The following UBR2 variants were observed in gnomAD, a reference collection of about 807,000 sequenced individuals.
UBR2 encodes the protein ubiquitin protein ligase E3 component n-recognin 2.
Under a neutral mutation model 247.9 loss-of-function variants are expected in UBR2, and 92 were observed. The observed-to-expected ratio is 0.37, with a 90% CI of 0.31 to 0.44. The LOEUF (loss-of-function observed/expected upper bound fraction) is 0.44, where lower values mean the gene tolerates loss of function less well. Among genes scored for constraint, UBR2 ranks in the 20% least tolerant of loss-of-function variants. The probability of loss-of-function intolerance (pLI) is 1.00; values close to 1 mark genes in which losing one functional copy is unlikely to be tolerated. For missense variants in UBR2, 1,613 were observed against 2,112.6 expected (o/e 0.76, Z 4.64); for synonymous variants, 672 against 693.5 (o/e 0.97, Z 0.49).
intron 11 of UBR2, among the ~76,000 whole-genome samples, chr6:42,625,914 C>T (rs868330072): frequency 1.3e-5 from 2 of 150,136 alleles, no homozygotes; most frequent in African/African-American, 4.9e-5. Context: ...CCCGGGTTCA[C>T]GCCATTCTCC....
intron 42 of UBR2, among the ~76,000 whole-genome samples, chr6:42,681,508 C>G (rs1485153663): frequency 2.6e-5 from 4 of 152,350 alleles, no homozygotes; most frequent in African/African-American, 4.8e-5. Flanking sequence ...AAAAGATGCT[C>G]AACATCACTA....
At chr6:42,592,757 A>G (rs1792749081) in intron 3 of UBR2, among the ~76,000 whole-genome samples, 1 of 152,240 alleles carries the variant, frequency 6.6e-6, no homozygotes, top group African/African-American at 2.4e-5. Flanking sequence ...CACCCTAATC[A>G]TAAAACAGAA....
chr6:42,631,891 A>ATATATATATATATATATATATAT lies in UBR2; in HGVS notation c.1282-661_1282-660insTATATATATATATATATATATAT, dbSNP rs752152787. Reference sequence around the variant, plus strand: ...ATATATATATATATATATATATATAAATACAGGTTCTGTAATTATATATAT... The same window carrying ATATATATATATATATATATATAT: ...ATATATATATATATATATATATATAATATATATATATATATATATATATATACAGGTTCTGTAATTATATATAT... On this transcript the variant is annotated intron_variant, in intron 11 of 46. Coordinates refer to ENST00000372901, the MANE Select transcript of UBR2 (RefSeq NM_001363705.2). Among the ~76,000 whole-genome samples the ATATATATATATATATATATATAT allele has an allele frequency of 4.5e-4, 51 of 114,058 alleles. 1 individual carries two copies. Among genetic ancestry groups the ATATATATATATATATATATATAT allele is most frequent in the African/African-American group, 5.2e-4 (15 of 29,002 alleles). 74.8% of individuals were successfully genotyped at this position (114,058 alleles called of 152,430 possible). A position where few individuals can be genotyped will look rare whatever the true frequency, so the allele number is the denominator to read the frequency against.
chr6:42,578,015 G>A (rs900871552), intron 2 of UBR2, among the ~76,000 whole-genome samples: 1 of 151,968 alleles, frequency 6.6e-6, no homozygotes, highest in African/African-American at 2.4e-5. Context: ...TCAAATCAAG[G>A]TAACTAGGAT....
chr6:42,573,494 A>G (rs1380684638), intron 1 of UBR2, among the ~76,000 whole-genome samples: 1 of 152,172 alleles, frequency 6.6e-6, no homozygotes, highest in Non-Finnish European at 1.5e-5. Flanking sequence ...TTCAAGAGTC[A>G]TTTTGCAGGG....
In UBR2 at chr6:42,577,385, T is replaced by C. The variant is rs17287859; in HGVS notation, c.338+3392T>C. ...TATTTGTTCATAGTTTCTAAAATTG[T>C]GTTGGTCACAAATTATTTTTCTGAA... On this transcript the variant is annotated intron_variant, in intron 2 of 46. Coordinates refer to ENST00000372901, the MANE Select transcript of UBR2 (RefSeq NM_001363705.2). Among the ~76,000 whole-genome samples the C allele has an allele frequency of 6.6e-3, 1,007 of 152,310 alleles. 7 individuals carry two copies. The highest frequency in any genetic ancestry group is 0.012 in the Non-Finnish European group (791 of 68,014).
At chr6:42,575,405 C>A (rs1280337718) in intron 2 of UBR2, among the ~76,000 whole-genome samples, 1 of 152,162 alleles carries the variant, frequency 6.6e-6, no homozygotes, top group African/African-American at 2.4e-5. Context: ...ATGTTTGGAG[C>A]AGTAGACCTA....
chr6:42,602,322 C>T (rs1363637698), intron 4 of UBR2, among the ~76,000 whole-genome samples: 1 of 152,086 alleles, frequency 6.6e-6, no homozygotes, highest in African/African-American at 2.4e-5. Context: ...CCTGCCTCAG[C>T]CTCCCAAGTA....
At chr6:42,664,408 T>C (rs1797995732) in intron 32 of UBR2, 1 of 152,254 alleles carries the variant, frequency 6.6e-6, no homozygotes, top group Non-Finnish European at 1.5e-5. Flanking sequence ...TGATAATGTC[T>C]GCTTTTCGAA....
At chr6:42,599,621 G>A (rs199658296) in intron 4 of UBR2, among the ~76,000 whole-genome samples, 2 of 20,254 alleles carry the variant, frequency 9.9e-5, no homozygotes, top group Non-Finnish European at 2.1e-4. Flanking sequence ...GGTTTTTTTT[G>A]TTGTTGTTGT....
At chr6:42,584,093 G>A (rs570728941) in intron 2 of UBR2, among the ~76,000 whole-genome samples, 2 of 151,442 alleles carry the variant, frequency 1.3e-5, no homozygotes, top group Admixed American at 1.3e-4. Context: ...CGCCTACTGG[G>A]TTCGAGCAAT....
intron 2 of UBR2, among the ~76,000 whole-genome samples, chr6:42,576,814 C>G (rs1354713142): frequency 6.6e-6 from 1 of 152,154 alleles, no homozygotes; most frequent in Non-Finnish European, 1.5e-5. Flanking sequence ...AGCCACCGTG[C>G]CCGGCCTCCC....
rs1013596966 is a variant in UBR2 at position 42,691,539 on chromosome 6, C to G, written c.*366C>G. The G allele has an allele frequency of 7.0e-6, 2 of 284,228 alleles. No homozygotes were observed. The highest frequency in any genetic ancestry group is 4.6e-5 in the African/African-American group (2 of 43,346). The allele number at this position is 284,228 out of a possible 1,614,324, so 17.6% of individuals were successfully genotyped here. A position where few individuals can be genotyped will look rare whatever the true frequency, so the allele number is the denominator to read the frequency against. ...AAGCTGACTCAACGGAGGCAGGGAA[C>G]AAAGTCTCTGTGGTCTGTTGGGTCA... On this transcript the variant is annotated 3_prime_UTR_variant, in exon 47 of 47. Transcript: ENST00000372901.
chr6:42,686,232 C>T (rs1001638478), intron 44 of UBR2, among the ~76,000 whole-genome samples: 14 of 151,674 alleles, frequency 9.2e-5, no homozygotes, highest in Admixed American at 2.0e-4. Context: ...TGCGGCCTTC[C>T]GCAGTGTTTG....
At chr6:42,565,095 A>G (rs562243787) in intron 1 of UBR2, among the ~76,000 whole-genome samples, 1 of 152,354 alleles carries the variant, frequency 6.6e-6, no homozygotes, top group African/African-American at 2.4e-5. Flanking sequence ...ACGTTGATAG[A>G]GCAGCTTTCA....
At chr6:42,640,811 C>T (rs1796397927) in intron 16 of UBR2, among the ~76,000 whole-genome samples, 1 of 151,956 alleles carries the variant, frequency 6.6e-6, no homozygotes, top group South Asian at 2.1e-4. Context: ...CTCACTGCAA[C>T]CTCTACCTCC....
At chr6:42,640,474 T>A (rs992459877) in intron 16 of UBR2, among the ~76,000 whole-genome samples, 2 of 151,420 alleles carry the variant, frequency 1.3e-5, no homozygotes, top group African/African-American at 4.9e-5. Context: ...AGAGATTTGT[T>A]GTAAGGAACT....
At chr6:42,583,309 G>T (rs1053955137) in intron 2 of UBR2, among the ~76,000 whole-genome samples, 1 of 151,398 alleles carries the variant, frequency 6.6e-6, no homozygotes, top group South Asian at 2.1e-4. Context: ...GTGCAATAGC[G>T]CAGTCTCGGC....
intron 4 of UBR2, among the ~76,000 whole-genome samples, chr6:42,596,015 G>GA (rs1368933174): frequency 6.7e-6 from 1 of 149,974 alleles, no homozygotes; most frequent in Non-Finnish European, 1.5e-5. Context: ...AGATATATTT[G>GA]AAAAAAAAGA....
Sources: allele counts gnomAD v4.1 joint callset (sites outside exome capture counted in the v4.1 genomes callset), GRCh38; gene constraint gnomAD v4.1.1; transcripts MANE v1.5; gene names NCBI Gene and HGNC (gene_info 2026-07-23, HGNC 2026-07-21).